The following PLAGL1 variants were observed in gnomAD, a reference collection of about 807,000 sequenced individuals.
The protein encoded by PLAGL1 is zinc finger protein PLAGL1.
Under a neutral mutation model 4.6 loss-of-function variants are expected in PLAGL1, and 1 was observed. The observed-to-expected ratio is 0.22, with a 90% CI of 0.08 to 1.03. The LOEUF (loss-of-function observed/expected upper bound fraction) is 1.03. Ranked by LOEUF, PLAGL1 falls within the 50% of genes least tolerant of loss-of-function variation. The pLI, the probability that PLAGL1 is intolerant of heterozygous loss-of-function variation, is 0.58. For synonymous variants in PLAGL1, 240 were observed against 237.8 expected (o/e 1.01, Z -0.08); for missense variants, 464 against 570.4 (o/e 0.81, Z 1.90).
intron 1 of PLAGL1, chr6:144,007,487 A>C (rs557631847): frequency 1.3e-5 from 2 of 152,360 alleles, no homozygotes; most frequent in East Asian, 3.9e-4. Context: ...GAGAAAAAAT[A>C]TTCAAAATTA....
Position 144,055,178 on chromosome 6 carries a change from GATATTCATATC to G in PLAGL1, c.-151+9279_-151+9289del, listed in dbSNP as rs1798876657. Among the ~76,000 whole-genome samples, 1 of 104,912 alleles carries G rather than the reference GATATTCATATC, an allele frequency of 9.5e-6. No individual in the cohort carries two copies. Among genetic ancestry groups the G allele is most frequent in the South Asian group, 3.1e-4 (1 of 3,232 alleles). The allele number at this position is 104,912 out of a possible 152,430, so 68.8% of individuals were successfully genotyped here. A position where few individuals can be genotyped will look rare whatever the true frequency, so the allele number is the denominator to read the frequency against. ...ATGAGCACGGAGAGGCATATCCACA[GATATTCATATC>G]CACAGATATTCATGAAAACACACTT... On this transcript the variant is annotated intron_variant, in intron 1 of 3. Coordinates refer to the PLAGL1 transcript ENST00000437412. The surrounding 1 kb of genome is among the most constrained non-coding windows in gnomAD (Gnocchi z 5.0).
At chr6:144,041,749 A>C (rs1031528761) in intron 1 of PLAGL1, among the ~76,000 whole-genome samples, 2 of 152,214 alleles carry the variant, frequency 1.3e-5, no homozygotes, top group African/African-American at 4.8e-5. Context: ...TAGATCCTTG[A>C]GGAATTGCCA....
intron 1 of PLAGL1, among the ~76,000 whole-genome samples, chr6:144,062,887 A>C (rs1051919725): frequency 6.6e-6 from 1 of 152,216 alleles, no homozygotes. Context: ...AGGGCAGGAC[A>C]CATTGGCGAT....
rs1235709785 is a variant in PLAGL1 at position 143,990,844 on chromosome 6, A to C, written c.-583-5670T>G. ...TTATATATCAGACACATTCCTTAGA[A>C]TATCTCATTGTTTTTCATTATTTTT... On this transcript the variant is annotated intron_variant, in intron 1 of 7. Transcript: ENST00000674357. The surrounding 1 kb of genome is among the most constrained non-coding windows in gnomAD (Gnocchi z 5.4). Among the ~76,000 whole-genome samples, 1 of 152,176 alleles carries C rather than the reference A, an allele frequency of 6.6e-6. No homozygotes were observed. The highest frequency in any genetic ancestry group is 1.9e-4 in the East Asian group (1 of 5,192).
At chr6:144,030,709 G>A (rs1377766909) in intron 1 of PLAGL1, among the ~76,000 whole-genome samples, 1 of 152,158 alleles carries the variant, frequency 6.6e-6, no homozygotes, top group Non-Finnish European at 1.5e-5. Context: ...GCAGTCCATG[G>A]TATACATACA....
chr6:144,020,486 A>G (rs1435502905), intron 1 of PLAGL1, among the ~76,000 whole-genome samples: 2 of 151,812 alleles, frequency 1.3e-5, no homozygotes, highest in African/African-American at 4.8e-5. Context: ...TTGGAGTTTC[A>G]CCATGTTGGC....
chr6:143,960,154 A>T lies in PLAGL1; in HGVS notation c.-325+315T>A, dbSNP rs1199415060. On this transcript the variant is annotated intron_variant, in intron 6 of 7. Coordinates refer to ENST00000674357, the MANE Select transcript of PLAGL1 (RefSeq NM_001317162.2). This position sits in a 1 kb window ranked among gnomAD's most constrained non-coding sequence, Gnocchi z 5.7. ...GGGGCAGCTTTCTTCTTTTGAACTGACAGGGTTGTCAGCAGAAAATTCCAT... is the reference window on the plus strand; with the variant it reads ...GGGGCAGCTTTCTTCTTTTGAACTGTCAGGGTTGTCAGCAGAAAATTCCAT... Among the ~76,000 whole-genome samples the T allele has an allele frequency of 1.3e-5, 2 of 152,190 alleles. No individual in the cohort carries two copies. The highest frequency in any genetic ancestry group is 2.9e-5 in the Non-Finnish European group (2 of 68,020).
At chr6:144,028,648 G>T (rs1796554999) in intron 1 of PLAGL1, among the ~76,000 whole-genome samples, 1 of 152,118 alleles carries the variant, frequency 6.6e-6, no homozygotes, top group Non-Finnish European at 1.5e-5. Context: ...GTCTATAAAA[G>T]AAGAAAATCT....
chr6:143,992,716 G>A (rs977472654), intron 1 of PLAGL1, among the ~76,000 whole-genome samples: 3 of 152,190 alleles, frequency 2.0e-5, no homozygotes, highest in Admixed American at 1.3e-4. Flanking sequence ...ATGGTTGGGC[G>A]AGGTGGCTCA....
rs1183003119 is a variant in PLAGL1 at position 144,004,242 on chromosome 6, C to T, written c.-584+3848G>A. ...TGTCACCCAGGCTGCAGTGCAGTGG[C>T]ATGATCGTAGTTCACTGTAAGCTCG... On this transcript the variant is annotated intron_variant, in intron 1 of 7. Transcript: ENST00000674357. The surrounding 1 kb of genome is among the most constrained non-coding windows in gnomAD (Gnocchi z 4.2). 6.6e-6 allele frequency among the ~76,000 whole-genome samples: 1 copy of T among 151,724 alleles called. No homozygotes were observed. The highest frequency in any genetic ancestry group is 1.5e-5 in the Non-Finnish European group (1 of 67,982).
rs1429128152 is a variant in PLAGL1 at position 143,945,915 on chromosome 6, C to T, written c.152+2070G>A. The stretch of plus-strand genomic sequence containing the variant: ...TTGCATAAAGTACACTGACAGCTTC[C>T]CTTTTTGCCTCTCTTTACACCCTTA... On this transcript the variant is annotated intron_variant, in intron 7 of 7. Transcript: ENST00000674357. This position sits in a 1 kb window ranked among gnomAD's most constrained non-coding sequence, Gnocchi z 4.2. Among the ~76,000 whole-genome samples, 1 of 152,152 alleles carries T rather than the reference C, an allele frequency of 6.6e-6. No homozygotes were observed. Among genetic ancestry groups the T allele is most frequent in the East Asian group, 1.9e-4 (1 of 5,180 alleles).
At chr6:144,010,658 G>A (rs2128687673), upstream of PLAGL1, among the ~76,000 whole-genome samples, 1 of 152,246 alleles carries the variant, frequency 6.6e-6, no homozygotes, top group East Asian at 1.9e-4. The surrounding 1 kb of genome is among the most constrained non-coding windows in gnomAD (Gnocchi z 4.1). Flanking sequence ...ACAATCCTAA[G>A]CAAAAAGAAC....
rs1339284530 is a variant in PLAGL1, at chr6:144,013,562, A to G, written c.-150-44584T>C. On this transcript the variant is annotated intron_variant, in intron 1 of 3. Coordinates refer to the PLAGL1 transcript ENST00000437412. The surrounding 1 kb of genome is among the most constrained non-coding windows in gnomAD (Gnocchi z 4.4). The stretch of plus-strand genomic sequence containing the variant: ...TATTTTCTGAGTCCGAAAGGCCAGA[A>G]GTCTGAAATCAAGATATCAGCAAAG... 1.3e-5 allele frequency among the ~76,000 whole-genome samples: 2 copies of G among 152,250 alleles called. No homozygotes were observed. Among genetic ancestry groups the G allele is most frequent in the Non-Finnish European group, 2.9e-5 (2 of 68,040 alleles).
chr6:143,947,662 GAAC>G lies in PLAGL1; in HGVS notation c.152+320_152+322del, dbSNP rs1780072814. Among the ~76,000 whole-genome samples the G allele has an allele frequency of 6.6e-6, 1 of 152,206 alleles. No individual in the cohort carries two copies. Among genetic ancestry groups the G allele is most frequent in the Non-Finnish European group, 1.5e-5 (1 of 68,050 alleles). On this transcript the variant is annotated intron_variant, in intron 7 of 7. Coordinates refer to ENST00000674357, the MANE Select transcript of PLAGL1 (RefSeq NM_001317162.2). This position sits in a 1 kb window ranked among gnomAD's most constrained non-coding sequence, Gnocchi z 4.3. ...GTCCCAGGTTTCATCAGGCAGTGAA[GAAC>G]AACTTCTACCACCTGTATAGCTCTG...
chr6:144,046,422 T>C (rs1798148766), intron 1 of PLAGL1, among the ~76,000 whole-genome samples: 1 of 152,216 alleles, frequency 6.6e-6, no homozygotes, highest in Non-Finnish European at 1.5e-5. Flanking sequence ...GTTTGTTAGT[T>C]TTCCTTCTAA....
chr6:143,950,666 G>A lies in PLAGL1; in HGVS notation c.-324-2206C>T, dbSNP rs1360463380. Among the ~76,000 whole-genome samples, 1 of 152,194 alleles carries A rather than the reference G, an allele frequency of 6.6e-6. No homozygotes were observed. Among genetic ancestry groups the A allele is most frequent in the African/African-American group, 2.4e-5 (1 of 41,464 alleles). On this transcript the variant is annotated intron_variant, in intron 6 of 7. Transcript: ENST00000674357. This position sits in a 1 kb window ranked among gnomAD's most constrained non-coding sequence, Gnocchi z 6.3. ...TCCCACTCGCCCCTTCAGAGAAGGAGCTGCTTTGTTGGGGAAGGTTTTACA... is the reference window on the plus strand; with the variant it reads ...TCCCACTCGCCCCTTCAGAGAAGGAACTGCTTTGTTGGGGAAGGTTTTACA...
Position 143,959,293 on chromosome 6 carries a change from A to C in PLAGL1, c.-325+1176T>G, listed in dbSNP as rs3819810. On this transcript the variant is annotated intron_variant, in intron 6 of 7. Transcript: ENST00000674357. The surrounding 1 kb of genome is among the most constrained non-coding windows in gnomAD (Gnocchi z 5.3). ...AGACAAGGCCTGCTGTGTTAGCCAC[A>C]CCCCACCTGTTCGCAGCCCATGGAC... is the stretch of plus-strand genomic sequence containing the variant. Among the ~76,000 whole-genome samples the C allele has an allele frequency of 0.65, 98,706 of 151,914 alleles. 32,135 individuals are homozygous for C. Among genetic ancestry groups the C allele is most frequent in the Non-Finnish European group, 0.69 (46,581 of 67,958 alleles).
intron 1 of PLAGL1, among the ~76,000 whole-genome samples, chr6:144,003,645 T>C (rs1379329624): frequency 1.4e-5 from 2 of 138,278 alleles, no homozygotes; most frequent in African/African-American, 5.2e-5. Flanking sequence ...AAAAAGAGAA[T>C]AAATAGGCAA....
rs1044690087 is a variant in PLAGL1 at position 143,973,917 on chromosome 6, T to C, written c.-543-4939A>G. Among the ~76,000 whole-genome samples, 1 of 152,224 alleles carries C rather than the reference T, an allele frequency of 6.6e-6. No homozygotes were observed. Among genetic ancestry groups the C allele is most frequent in the Non-Finnish European group, 1.5e-5 (1 of 68,038 alleles). ...ATGGAGTTAGTTTGCATAAATTCTG[T>C]TTGTACAACAAAAGTGTGAACAGAG... On this transcript the variant is annotated intron_variant, in intron 2 of 7. Transcript: ENST00000674357. This position sits in a 1 kb window ranked among gnomAD's most constrained non-coding sequence, Gnocchi z 6.2.
Sources: gnomAD v4.1 joint callset for allele counts (sites outside exome capture counted in the v4.1 genomes callset) on GRCh38, gnomAD v4.1.1 for gene constraint, Gnocchi (gnomAD v3.1) non-coding constraint, MANE v1.5 for transcripts, NCBI Gene and HGNC (gene_info 2026-07-23, HGNC 2026-07-21) for gene names.